Variants in ACBD4 observed in about 807,000 individuals in gnomAD.
ACBD4 encodes acyl-CoA binding domain containing 4.
ACBD4 carries 41 observed loss-of-function variants against 46.0 expected under a neutral mutation model. The ratio of observed to expected loss-of-function variants is 0.89; its 90% CI spans 0.69 to 1.16. The LOEUF is 1.16. ACBD4 is among the 50% of genes most tolerant of loss of function. ACBD4 has a pLI of 0.00. For synonymous variants in ACBD4, 162 were observed against 155.9 expected (o/e 1.04, Z -0.29); for missense variants, 393 against 399.5 (o/e 0.98, Z 0.14).
At chr17:45,139,312 T>G (rs915330106) in intron 9 of ACBD4, 152 bp downstream of exon 9, 1 of 857,478 alleles carries the variant, frequency 1.2e-6, no homozygotes, top group Non-Finnish European at 1.8e-6. Flanking sequence ...AGGCAGGAGG[T>G]GGGGGTGAGG....
Position 45,137,449 on chromosome 17 carries a change from GC to G in ACBD4, c.500del (p.Pro167GlnfsTer163). ...CTCCCCAAGGAACCGGCACCCCCAA[GC>G]CCAGGTTAGTGCTTGAGCAGGAGGG... is the stretch of plus-strand genomic sequence containing the variant. ...PCLPKEPAPPSPESHSPRDLD... is the reference protein window; with the variant it reads ...PCLPKEPAPPXPESHSPRDLD... On this transcript the variant is annotated frameshift_variant, in exon 6 of 10. Coordinates refer to ENST00000321854, the MANE Select transcript of ACBD4 (RefSeq NM_001135705.3). LOFTEE classifies it high-confidence loss of function. The G allele has an allele frequency of 6.2e-7, 1 of 1,614,026 alleles. No homozygotes were observed.
chr17:45,135,140 A>ATTTT (rs1260398399), upstream of ACBD4, among the ~76,000 whole-genome samples: 2 of 151,868 alleles, frequency 1.3e-5, no homozygotes, highest in African/African-American at 4.8e-5. Context: ...TAATTTGTGT[A>ATTTT]TTTTTAGTAG....
chr17:45,134,190 GC>G (rs1380721232), upstream of ACBD4, among the ~76,000 whole-genome samples: 1 of 152,180 alleles, frequency 6.6e-6, no homozygotes, highest in East Asian at 1.9e-4. Context: ...CTACTTGGTT[GC>G]CCAGGGTGGA....
At chr17:45,132,141 C>T, upstream of ACBD4, 2 of 1,153,138 alleles carry the variant, frequency 1.7e-6, no homozygotes, top group Non-Finnish European at 2.2e-6. The surrounding 1 kb of genome is among the most constrained non-coding windows in gnomAD (Gnocchi z 4.6). Context: ...CATAGCCTCC[C>T]AGCCCCGTGC....
upstream of ACBD4, among the ~76,000 whole-genome samples, chr17:45,132,077 G>C (rs1188503434): frequency 2.0e-5 from 3 of 152,140 alleles, no homozygotes; most frequent in Non-Finnish European, 4.4e-5. The surrounding 1 kb of genome is among the most constrained non-coding windows in gnomAD (Gnocchi z 4.6). Flanking sequence ...CGGGACCCTC[G>C]GATGACCCCA....
chr17:45,131,958 A>C (rs2054458936), upstream of ACBD4, among the ~76,000 whole-genome samples: 1 of 152,058 alleles, frequency 6.6e-6, no homozygotes, highest in African/African-American at 2.4e-5. Context: ...CTCCCGCTCC[A>C]TTCTCCTTGG....
At position 45,136,213 on chromosome 17, in the gene ACBD4, C is replaced by G. The variant is rs370856181; in HGVS notation, c.69C>G (p.Ile23Met). 8.1e-6 allele frequency: 13 copies of G among 1,613,390 alleles called. No individual in the cohort carries two copies. In the African/African-American group the frequency reaches 9.3e-5, roughly 12 times the overall value. The part of the protein sequence containing the change: ...QKQFQAAVSV[I>M]QNLPKNGSYR... ...AGTTCCAGGCTGCAGTGAGCGTCAT[C>G]CAGAACCTGCCCAAGAACGGTGAGG... is the stretch of plus-strand genomic sequence containing the variant. Residue 23 changes from isoleucine to methionine, a missense_variant, in exon 2 of 10, where the codon ATC (isoleucine) becomes ATG (methionine). This residue lies in a region of ACBD4 where 61 missense variants were observed against 50.3 expected (regional missense o/e 1.21). Coordinates refer to ENST00000321854, the MANE Select transcript of ACBD4 (RefSeq NM_001135705.3).
intron 9 of ACBD4, 92 bp downstream of exon 9, chr17:45,139,252 G>A (rs1399256963): frequency 4.8e-6 from 6 of 1,254,724 alleles, no homozygotes; most frequent in Non-Finnish European, 1.1e-6. Context: ...TTGTCCTCAC[G>A]CCTCCACCTG....
rs980574718 is a variant in ACBD4 at position 45,138,103 on chromosome 17, G to C, written c.649+115G>C. ...AGTTGAAAGTCCATTGCTGGGCACTGAGCGAGAAGCCTCTGTCCAGGAAGG... is the reference window on the plus strand; with the variant it reads ...AGTTGAAAGTCCATTGCTGGGCACTCAGCGAGAAGCCTCTGTCCAGGAAGG... On this transcript the variant is annotated intron_variant, in intron 8 of 9. Coordinates refer to ENST00000321854, the MANE Select transcript of ACBD4 (RefSeq NM_001135705.3). 7 of 1,119,100 alleles carry C rather than the reference G, an allele frequency of 6.3e-6. No individual in the cohort carries two copies. In the East Asian group the frequency reaches 1.5e-4, roughly 25 times the overall value. 69.3% of individuals were successfully genotyped at this position (1,119,100 alleles called of 1,614,324 possible). A position where few individuals can be genotyped will look rare whatever the true frequency, so the allele number is the denominator to read the frequency against.
chr17:45,137,034 C>A lies in ACBD4; in HGVS notation c.310C>A (p.Pro104Thr), dbSNP rs2143787615. The A allele has an allele frequency of 1.2e-6, 2 of 1,614,142 alleles. No homozygotes were observed. Among genetic ancestry groups the A allele is most frequent in the Non-Finnish European group, 8.5e-7 (1 of 1,180,008 alleles). The stretch of plus-strand genomic sequence containing the variant: ...TCCCCTACAGGTGATCGACACAGTG[C>A]CCCTGGGTGAGGTGGCAGAGGACAT... Reference protein sequence around the residue: ...LVAQKVIDTVPLGEVAEDMFG... With the variant: ...LVAQKVIDTVTLGEVAEDMFG... Residue 104 changes from proline (P) to threonine (T), a missense_variant, in exon 5 of 10, where the codon CCC becomes ACC. Pro to Thr is a conservative substitution (Grantham distance 38). Transcript: ENST00000321854.
intron 9 of ACBD4, among the ~76,000 whole-genome samples, chr17:45,140,393 G>GGA (rs1013997373): frequency 6.6e-6 from 1 of 150,606 alleles, no homozygotes; most frequent in Non-Finnish European, 1.5e-5. Flanking sequence ...ACGGTCCCCA[G>GGA]GATGGTATCA....
upstream of ACBD4, chr17:45,132,506 G>T: frequency 2.7e-6 from 2 of 752,926 alleles, no homozygotes; most frequent in Non-Finnish European, 3.4e-6. The surrounding 1 kb of genome is among the most constrained non-coding windows in gnomAD (Gnocchi z 4.6). Flanking sequence ...GAGCGAGGCG[G>T]CGAGCGAAGA....
upstream of ACBD4, among the ~76,000 whole-genome samples, chr17:45,134,396 G>C (rs1310870540): frequency 6.6e-6 from 1 of 152,202 alleles, no homozygotes; most frequent in Non-Finnish European, 1.5e-5. Context: ...ATGATCACTT[G>C]AGGCCAGGTA....
chr17:45,137,133 G>T lies in ACBD4; in HGVS notation c.409G>T (p.Val137Phe). The T allele has an allele frequency of 6.2e-7, 1 of 1,614,070 alleles. No individual in the cohort carries two copies. The highest frequency in any genetic ancestry group is 8.5e-7 in the Non-Finnish European group (1 of 1,180,004). ...GCCCCCAGAGACCTTCCTGAGAAGG[G>T]TCACAGGTCAGACTCCCAGGCTGGG... ...PRPPETFLRR[V>F]TGWKEQVVNG... The change falls in exon 5 of 10, where the codon GTC becomes TTC. Residue 137 changes from valine (V) to phenylalanine (F), a missense_variant. By Grantham distance (50) the Val-to-Phe change is conservative. Transcript: ENST00000321854.
chr17:45,141,976 C>T (rs995320245), intron 9 of ACBD4, among the ~76,000 whole-genome samples: 1 of 151,786 alleles, frequency 6.6e-6, no homozygotes, highest in African/African-American at 2.4e-5. Flanking sequence ...CCTTTAACAT[C>T]TACTAGCTAT....
At chr17:45,134,558 C>T (rs1303235982), upstream of ACBD4, among the ~76,000 whole-genome samples, 3 of 152,158 alleles carry the variant, frequency 2.0e-5, no homozygotes, top group Admixed American at 2.0e-4. Context: ...CGGCGGATCA[C>T]GAGGTCAGGA....
intron 8 of ACBD4, 54 bp from the exon 9 acceptor site, chr17:45,138,966 GC>G (rs1485582469): frequency 2.5e-6 from 4 of 1,598,988 alleles, no homozygotes; most frequent in African/African-American, 2.7e-5. Flanking sequence ...CCCCCACCCT[GC>G]CCAGAGCTGA....
chr17:45,133,382 GCATCC>G (rs2054567531), upstream of ACBD4: 2 of 152,322 alleles, frequency 1.3e-5, no homozygotes, highest in African/African-American at 4.8e-5. Flanking sequence ...CAGCGGCGTG[GCATCC>G]TACAGAGAGG....
At chr17:45,142,508 G>A in intron 9 of ACBD4, 1 of 246,960 alleles carries the variant, frequency 4.0e-6, no homozygotes. Context: ...ATCACTGTGG[G>A]CTCATGGATT....
Sources: allele counts gnomAD v4.1 joint callset (sites outside exome capture counted in the v4.1 genomes callset), GRCh38; gene constraint gnomAD v4.1.1; regional missense constraint gnomAD v4.1.1; non-coding constraint Gnocchi (gnomAD v3.1); transcripts MANE v1.5; gene names NCBI Gene and HGNC (gene_info 2026-07-23, HGNC 2026-07-21).